The following TRIM37 variants were observed in gnomAD, a reference collection of about 807,000 sequenced individuals.
TRIM37 encodes E3 ubiquitin-protein ligase TRIM37.
In TRIM37, 80 loss-of-function variants were observed where a neutral mutation model predicts 129.8. That is an observed-to-expected ratio of 0.62 (90% confidence interval 0.51 to 0.74). The LOEUF is 0.74. Among genes scored for constraint, TRIM37 ranks in the 30% least tolerant of loss-of-function variants. The pLI is 0.00. For synonymous variants in TRIM37, 389 were observed against 387.1 expected, an observed-to-expected ratio of 1.00 and a Z score of -0.06; for missense variants, 1,054 against 1,176.5, an observed-to-expected ratio of 0.90 and a Z score of 1.52.
At chr17:59,052,239 A>G (rs1052430382) in intron 13 of TRIM37, among the ~76,000 whole-genome samples, 1 of 152,104 alleles carries the variant, frequency 6.6e-6, no homozygotes, top group African/African-American at 2.4e-5. Context: ...ACTATTACTA[A>G]AGCAAACAAA....
At chr17:59,021,221 A>G (rs1028328416) in intron 19 of TRIM37, among the ~76,000 whole-genome samples, 1 of 152,208 alleles carries the variant, frequency 6.6e-6, no homozygotes, top group Admixed American at 6.5e-5. Context: ...GTGAAACCCC[A>G]TCTCTACTAA....
chr17:59,007,155 T>TC (rs2034594024), intron 22 of TRIM37, among the ~76,000 whole-genome samples: 22 of 14,956 alleles, frequency 1.5e-3, no homozygotes, highest in Admixed American at 2.2e-3. Flanking sequence ...ACCCCCACCC[T>TC]CCAACACACA....
rs1344851670 is a variant in TRIM37, at chr17:59,014,020, T to C, written c.2577-1574A>G. ...AAAACTAAGTTCATGTATATTTAATTGTGGTGACTAAAGGCAGATAAAAAT... is the reference window on the plus strand; with the variant it reads ...AAAACTAAGTTCATGTATATTTAATCGTGGTGACTAAAGGCAGATAAAAAT... On this transcript the variant is annotated intron_variant, in intron 21 of 23. Coordinates refer to ENST00000262294, the MANE Select transcript of TRIM37 (RefSeq NM_015294.6). 2.0e-5 allele frequency among the ~76,000 whole-genome samples: 3 copies of C among 152,172 alleles called. No individual in the cohort carries two copies. In the South Asian group the frequency reaches 6.2e-4, roughly 32 times the overall value.
chr17:58,982,169 T>G (rs1480637351), downstream of TRIM37: 2 of 152,642 alleles, frequency 1.3e-5, no homozygotes, highest in African/African-American at 2.4e-5. Context: ...GGAAGACACA[T>G]GAGTGTCCTG....
the TRIM37 span, chr17:58,969,867 T>A: frequency 1.3e-6 from 1 of 793,216 alleles, no homozygotes; most frequent in Non-Finnish European, 2.0e-6. Flanking sequence ...AGTATTGGAT[T>A]CTGTTGTAGT....
At chr17:59,032,206 G>A in intron 17 of TRIM37, 116 bp from the exon 18 acceptor site, 1 of 1,142,846 alleles carries the variant, frequency 8.8e-7, no homozygotes, top group Non-Finnish European at 1.3e-6. Flanking sequence ...TCTCTTAGGA[G>A]TTCAGGTTCA....
Position 59,088,280 on chromosome 17 carries a change from T to C in TRIM37, c.281+11A>G, listed in dbSNP as rs376327236. 1.3e-6 allele frequency: 2 copies of C among 1,549,218 alleles called. No individual in the cohort carries two copies. The highest frequency in any genetic ancestry group is 2.2e-5 in the East Asian group (1 of 44,566). ...TCCATTCAATATTGAACAAAGAAAT[T>C]GAGGACATACTTGTCCTTTTCATTT... On this transcript the variant is annotated intron_variant, in intron 4 of 23. Coordinates refer to ENST00000262294, the MANE Select transcript of TRIM37 (RefSeq NM_015294.6).
chr17:59,012,242 C>A, intron 22 of TRIM37, 86 bp downstream of exon 22: 1 of 570,198 alleles, frequency 1.8e-6, no homozygotes, highest in Non-Finnish European at 2.9e-6. Flanking sequence ...ACCACCACCA[C>A]CACCACCACC....
At chr17:58,968,891 G>A in the TRIM37 span, among the ~76,000 whole-genome samples, 3 of 152,212 alleles carry the variant, frequency 2.0e-5, no homozygotes, top group African/African-American at 7.2e-5. Flanking sequence ...AAAGTGGTCA[G>A]CCGCACAGGG....
intron 24 of TRIM37, among the ~76,000 whole-genome samples, chr17:58,992,858 T>C (rs1294334583): frequency 1.3e-5 from 2 of 152,140 alleles, no homozygotes; most frequent in African/African-American, 4.8e-5. Flanking sequence ...AGGCCCACCA[T>C]AAATAACTCC....
the TRIM37 span, among the ~76,000 whole-genome samples, chr17:58,967,220 A>G: frequency 5.9e-5 from 9 of 152,160 alleles, no homozygotes; most frequent in African/African-American, 2.2e-4. Context: ...TTCACTTTTA[A>G]TTCTTTATTA....
chr17:59,056,880 A>C lies in TRIM37; in HGVS notation c.1194T>G (p.Ile398Met). Residue 398 changes from isoleucine (I) to methionine (M), a missense_variant, in exon 13 of 24, where the codon ATT becomes ATG. By Grantham distance (10) the Ile-to-Met change is conservative. Coordinates refer to ENST00000262294, the MANE Select transcript of TRIM37 (RefSeq NM_015294.6). ...CATCAAATTTTTCCTGTTACCTTAAAATCACTGTATCATTTTGTGGATTCA... is the reference window on the plus strand; with the variant it reads ...CATCAAATTTTTCCTGTTACCTTAACATCACTGTATCATTTTGTGGATTCA... ...GYLNPQNDTV[I>M]LRFQVRSPTF... is the part of the protein sequence containing the mutation. The C allele has an allele frequency of 4.3e-6, 7 of 1,613,768 alleles. No homozygotes were observed. Among genetic ancestry groups the C allele is most frequent in the Non-Finnish European group, 5.9e-6 (7 of 1,179,858 alleles).
At chr17:58,973,539 G>A in the TRIM37 span, among the ~76,000 whole-genome samples, 3 of 152,012 alleles carry the variant, frequency 2.0e-5, no homozygotes, top group African/African-American at 7.3e-5. Context: ...GTTGGGACAG[G>A]CACAGTGGCT....
downstream of TRIM37, among the ~76,000 whole-genome samples, chr17:58,994,191 A>G (rs2032739897): frequency 6.6e-6 from 1 of 152,158 alleles, no homozygotes. Flanking sequence ...TGTTACCAAT[A>G]TAGACTCACA....
intron 13 of TRIM37, among the ~76,000 whole-genome samples, chr17:59,052,420 G>T (rs1234156987): frequency 6.6e-6 from 1 of 152,022 alleles, no homozygotes; most frequent in African/African-American, 2.4e-5. Context: ...AATGTTAGCT[G>T]TTCATTTTTT....
At chr17:59,088,513 C>T in intron 3 of TRIM37, 106 bp from the exon 4 acceptor site, 1 of 769,500 alleles carries the variant, frequency 1.3e-6, no homozygotes, top group South Asian at 1.6e-5. Context: ...CATACCATAA[C>T]ACTATTTTTT....
At position 59,100,326 on chromosome 17, in the gene TRIM37, CA is replaced by C. The variant is rs1384260117; in HGVS notation, c.123+3966del. ...TTCGCAGCAATTTTCACTGTAATAG[CA>C]AAAACTGTAAACATGCCATATGCCC... is the stretch of plus-strand genomic sequence containing the variant. On this transcript the variant is annotated intron_variant, in intron 2 of 23. Transcript: ENST00000262294. Among the ~76,000 whole-genome samples the C allele has an allele frequency of 6.6e-5, 10 of 152,238 alleles. No individual in the cohort carries two copies. In the East Asian group the frequency reaches 1.9e-3, roughly 29 times the overall value.
At chr17:59,032,160 T>C (rs917355729) in intron 17 of TRIM37, 70 bp from the exon 18 acceptor site, 1 of 1,384,808 alleles carries the variant, frequency 7.2e-7, no homozygotes, top group African/African-American at 1.4e-5. Context: ...AAAAATGAAC[T>C]GGTTAACATT....
intron 17 of TRIM37, among the ~76,000 whole-genome samples, chr17:59,034,495 G>C (rs2038240673): frequency 6.6e-6 from 1 of 151,908 alleles, no homozygotes; most frequent in Non-Finnish European, 1.5e-5. Context: ...TAGTAGCTGG[G>C]ATTACAGGCA....
Sources: allele counts gnomAD v4.1 joint callset (sites outside exome capture counted in the v4.1 genomes callset), GRCh38; gene constraint gnomAD v4.1.1; transcripts MANE v1.5; gene names NCBI Gene and HGNC (gene_info 2026-07-23, HGNC 2026-07-21).